TLK1: variants seen among roughly 807,000 people sequenced by gnomAD.
TLK1 encodes tousled like kinase 1, also known as serine/threonine-protein kinase tousled-like 1.
TLK1 carries 24 observed loss-of-function variants against 105.3 expected under a neutral mutation model. The ratio of observed to expected loss-of-function variants is 0.23; its 90% CI spans 0.17 to 0.32. The LOEUF (loss-of-function observed/expected upper bound fraction) is 0.32, where lower values mean the gene tolerates loss of function less well. Among genes scored for constraint, TLK1 ranks in the 10% least tolerant of loss-of-function variants. The probability of loss-of-function intolerance (pLI) is 1.00; values close to 1 mark genes in which losing one functional copy is unlikely to be tolerated. For synonymous variants in TLK1, 321 were observed against 310.4 expected, an observed-to-expected ratio of 1.03 and a Z score of -0.36; for missense variants, 558 against 910.5, an observed-to-expected ratio of 0.61 and a Z score of 4.98.
intron 1 of TLK1, among the ~76,000 whole-genome samples, chr2:171,230,444 C>T (rs1041109736): frequency 6.6e-6 from 1 of 152,034 alleles, no homozygotes; most frequent in African/African-American, 2.4e-5. Flanking sequence ...TAGCTGACAC[C>T]ACCCAGTTTG....
At position 171,193,497 on chromosome 2, in the gene TLK1, C is replaced by T. The variant is rs537934582; in HGVS notation, c.-6+37648G>A. Among the ~76,000 whole-genome samples the T allele has an allele frequency of 3.1e-3, 464 of 150,790 alleles. 1 individual carries two copies. Among genetic ancestry groups the T allele is most frequent in the Non-Finnish European group, 4.4e-3 (300 of 67,714 alleles). Reference sequence around the variant, plus strand: ...CTGCAAGCTCCGCCTCCCAGGTTCACGCCATTCTCCTGCCTCAGCCTCCCA... The same window carrying T: ...CTGCAAGCTCCGCCTCCCAGGTTCATGCCATTCTCCTGCCTCAGCCTCCCA... On this transcript the variant is annotated intron_variant, in intron 1 of 20. Coordinates refer to the TLK1 transcript ENST00000521943.
chr2:171,075,864 G>C (rs1309562466), intron 3 of TLK1, among the ~76,000 whole-genome samples: 1 of 152,184 alleles, frequency 6.6e-6, no homozygotes, highest in East Asian at 1.9e-4. Flanking sequence ...AAGGTGCTAT[G>C]GTTTGACTAT....
chr2:171,151,775 A>G (rs1558970513), intron 1 of TLK1, among the ~76,000 whole-genome samples: 1 of 152,132 alleles, frequency 6.6e-6, no homozygotes, highest in Non-Finnish European at 1.5e-5. Flanking sequence ...GCGCCCAGCC[A>G]TGTGTATCTT....
chr2:171,014,979 C>T, intron 12 of TLK1, 31 bp from the exon 13 acceptor site: 1 of 1,498,832 alleles, frequency 6.7e-7, no homozygotes, highest in Non-Finnish European at 9.3e-7. Context: ...CTATAACAAG[C>T]TCAATTTATT....
At chr2:171,111,397 C>G (rs563270002) in intron 2 of TLK1, among the ~76,000 whole-genome samples, 1 of 152,044 alleles carries the variant, frequency 6.6e-6, no homozygotes, top group African/African-American at 2.4e-5. Flanking sequence ...ATGGTAAAAC[C>G]TGGTCTCCAC....
chr2:171,029,992 G>A (rs1434302940), intron 11 of TLK1, among the ~76,000 whole-genome samples: 4 of 152,072 alleles, frequency 2.6e-5, no homozygotes, highest in Non-Finnish European at 4.4e-5. Flanking sequence ...GTGATCCACC[G>A]ACCTCAGCCT....
chr2:171,221,622 C>T (rs962501168), intron 1 of TLK1, among the ~76,000 whole-genome samples: 1 of 152,202 alleles, frequency 6.6e-6, no homozygotes. Flanking sequence ...GCTGCCTTAA[C>T]GAGTGACTTA....
chr2:171,194,471 TG>T (rs1243827062), intron 1 of TLK1, among the ~76,000 whole-genome samples: 3 of 152,134 alleles, frequency 2.0e-5, no homozygotes, highest in African/African-American at 7.2e-5. Flanking sequence ...AGTAAAGCTT[TG>T]GGGGTTGAGA....
intron 1 of TLK1, among the ~76,000 whole-genome samples, chr2:171,207,524 G>C (rs777816776): frequency 5.3e-5 from 8 of 152,126 alleles, no homozygotes; most frequent in African/African-American, 1.2e-4. Context: ...GACTTTGGGT[G>C]ATCATGATAC....
chr2:171,055,733 T>C (rs1242405315), intron 6 of TLK1, among the ~76,000 whole-genome samples: 2 of 151,974 alleles, frequency 1.3e-5, no homozygotes, highest in African/African-American at 4.8e-5. Context: ...TGTGATATCC[T>C]GAAAGGTACA....
Position 171,210,278 on chromosome 2 carries a change from A to AT in TLK1, c.-6+20866dup, listed in dbSNP as rs879285255. Among the ~76,000 whole-genome samples, 178 of 147,448 alleles carry AT rather than the reference A, an allele frequency of 1.2e-3. 1 individual carries two copies. The highest frequency in any genetic ancestry group is 0.011 in the Middle Eastern group (3 of 284). ...CACACCTTCACGTTCTTTTTTTATT[A>AT]TTTTTTTTTTTTATAGGAGACAAGG... On this transcript the variant is annotated intron_variant, in intron 1 of 20. Coordinates refer to the TLK1 transcript ENST00000521943.
intron 18 of TLK1, among the ~76,000 whole-genome samples, chr2:170,998,099 TACCTACCTACC>T (rs1684166304): frequency 6.8e-6 from 1 of 146,460 alleles, no homozygotes; most frequent in Non-Finnish European, 1.5e-5. Context: ...TCTACCTACC[TACCTACCTACC>T]ACCTACCTAC....
chr2:171,113,272 CTT>C (rs767944584), intron 2 of TLK1, among the ~76,000 whole-genome samples: 34 of 141,480 alleles, frequency 2.4e-4, no homozygotes, highest in Non-Finnish European at 2.2e-4. Context: ...CATACATATC[CTT>C]TTTTTTTTTT....
intron 1 of TLK1, among the ~76,000 whole-genome samples, chr2:171,194,138 C>A (rs564148528): frequency 3.0e-4 from 46 of 152,124 alleles, no homozygotes; most frequent in Non-Finnish European, 5.6e-4. Context: ...AGTTGGGGCT[C>A]GCCATTGAAG....
chr2:171,139,237 T>C (rs1227493617), intron 1 of TLK1, among the ~76,000 whole-genome samples: 1 of 152,292 alleles, frequency 6.6e-6, no homozygotes, highest in South Asian at 2.1e-4. Context: ...TGTAATGCTC[T>C]GACGATTTTA....
intron 1 of TLK1, among the ~76,000 whole-genome samples, chr2:171,205,348 G>T (rs1299258167): frequency 6.6e-6 from 1 of 151,350 alleles, no homozygotes; most frequent in Non-Finnish European, 1.5e-5. Context: ...CCCCCAACAG[G>T]GTCTTGCTCT....
chr2:171,221,382 A>T (rs548057331), intron 1 of TLK1, among the ~76,000 whole-genome samples: 54 of 152,338 alleles, frequency 3.5e-4, no homozygotes, highest in African/African-American at 1.3e-3. Context: ...TGAATCAAAC[A>T]TTTAAAGGAG....
chr2:171,040,478 C>A (rs1686609753), intron 11 of TLK1, among the ~76,000 whole-genome samples: 1 of 151,998 alleles, frequency 6.6e-6, no homozygotes, highest in South Asian at 2.1e-4. Context: ...TGTACTACTG[C>A]CCTCCTCCTC....
chr2:171,197,785 A>AAAACC (rs1693302778), intron 1 of TLK1, among the ~76,000 whole-genome samples: 2 of 152,102 alleles, frequency 1.3e-5, no homozygotes, highest in African/African-American at 2.4e-5. Flanking sequence ...TCTCAAAAAC[A>AAAACC]AAACCAAACA....
Sources: gnomAD v4.1 joint callset for allele counts (sites outside exome capture counted in the v4.1 genomes callset) on GRCh38, gnomAD v4.1.1 for gene constraint, MANE v1.5 for transcripts, NCBI Gene and HGNC (gene_info 2026-07-23, HGNC 2026-07-21) for gene names.